Variants in NFATC1 observed in about 807,000 individuals in gnomAD.
NFATC1 encodes the protein nuclear factor of activated T cells 1.
NFATC1 carries 22 observed loss-of-function variants against 76.0 expected under a neutral mutation model. The ratio of observed to expected loss-of-function variants is 0.29; its 90% CI spans 0.21 to 0.41. NFATC1 has a LOEUF of 0.41. Ranked by LOEUF, NFATC1 falls within the 10% of genes least tolerant of loss-of-function variation. The probability of loss-of-function intolerance (pLI) is 1.00; values close to 1 mark genes in which losing one functional copy is unlikely to be tolerated. For missense variants in NFATC1, 1,357 were observed against 1,337.7 expected, an observed-to-expected ratio of 1.01 and a Z score of -0.23; for synonymous variants, 704 against 613.1, an observed-to-expected ratio of 1.15 and a Z score of -2.19.
intron 8 of NFATC1, among the ~76,000 whole-genome samples, chr18:79,484,994 C>G (rs1324048506): frequency 6.6e-6 from 1 of 152,248 alleles, no homozygotes; most frequent in Non-Finnish European, 1.5e-5. Flanking sequence ...GCTGCATGGA[C>G]TCACGGGCTC....
intron 2 of NFATC1, among the ~76,000 whole-genome samples, chr18:79,416,747 G>A (rs1600642434): frequency 6.6e-6 from 1 of 152,194 alleles, no homozygotes; most frequent in African/African-American, 2.4e-5. Flanking sequence ...GGGGAGGGAA[G>A]CCCCCCAACA....
intron 8 of NFATC1, among the ~76,000 whole-genome samples, chr18:79,481,344 C>A (rs1251526249): frequency 3.3e-5 from 5 of 152,230 alleles, no homozygotes; most frequent in Non-Finnish European, 5.9e-5. Flanking sequence ...GCGGTTAGAG[C>A]CCCACCCTCC....
intron 2 of NFATC1, among the ~76,000 whole-genome samples, chr18:79,423,109 C>T (rs141197595): frequency 1.4e-3 from 214 of 151,250 alleles, no homozygotes; most frequent in African/African-American, 5.1e-3. Flanking sequence ...GGTTGGGGCG[C>T]GTACAGAGGG....
chr18:79,522,508 T>TG (rs573336727), intron 9 of NFATC1, among the ~76,000 whole-genome samples: 5,270 of 73,314 alleles, frequency 0.072, 145 homozygotes, highest in Middle Eastern at 0.16. Context: ...GTGTTTTGTG[T>TG]GGGGGGGGTG....
At chr18:79,492,352 C>T (rs528440108) in intron 9 of NFATC1, among the ~76,000 whole-genome samples, 26 of 152,124 alleles carry the variant, frequency 1.7e-4, no homozygotes, top group Non-Finnish European at 3.7e-4. Flanking sequence ...CACCTGAGGT[C>T]AGGAGTTCAA....
chr18:79,486,220 T>G, intron 8 of NFATC1, 28 bp from the exon 9 acceptor site: 1 of 1,582,942 alleles, frequency 6.3e-7, no homozygotes, highest in Admixed American at 1.7e-5. Flanking sequence ...AACTTGTGTT[T>G]ATTTAATTTT....
chr18:79,477,076 T>C (rs1343923622), intron 8 of NFATC1, among the ~76,000 whole-genome samples: 2 of 152,154 alleles, frequency 1.3e-5, no homozygotes, highest in East Asian at 3.9e-4. Flanking sequence ...AAACTGATCT[T>C]GGCTCTGAAC....
At chr18:79,421,385 G>A (rs184636381) in intron 2 of NFATC1, 3 of 152,436 alleles carry the variant, frequency 2.0e-5, no homozygotes, top group East Asian at 3.9e-4. Flanking sequence ...TGTGTTTCCA[G>A]AGACCGGGCC....
intron 2 of NFATC1, chr18:79,421,526 G>T: frequency 6.6e-6 from 1 of 152,650 alleles, no homozygotes. Context: ...TGGAGAGCAG[G>T]GATCAGCCTC....
chr18:79,460,748 C>G (rs767831063), intron 6 of NFATC1, among the ~76,000 whole-genome samples: 1 of 152,178 alleles, frequency 6.6e-6, no homozygotes. Flanking sequence ...GACCCCAGCA[C>G]GAGCAGGCGT....
At chr18:79,526,035 G>C (rs2090752442) in intron 9 of NFATC1, among the ~76,000 whole-genome samples, 3 of 152,344 alleles carry the variant, frequency 2.0e-5, no homozygotes, top group Non-Finnish European at 2.9e-5. Context: ...CAGCAGCCTA[G>C]GGCATTTGGG....
chr18:79,406,721 C>T (rs1032625915), intron 1 of NFATC1, among the ~76,000 whole-genome samples: 9 of 152,324 alleles, frequency 5.9e-5, no homozygotes, highest in South Asian at 2.1e-4. Context: ...GGCACCTCAA[C>T]GGGAACCCCC....
At chr18:79,450,291 A>C (rs1021050997) in intron 4 of NFATC1, among the ~76,000 whole-genome samples, 1 of 152,178 alleles carries the variant, frequency 6.6e-6, no homozygotes, top group South Asian at 2.1e-4. Context: ...GTTTTGAATG[A>C]AATTGTTAAG....
chr18:79,407,225 C>G (rs1386033659), intron 1 of NFATC1, among the ~76,000 whole-genome samples: 2 of 152,168 alleles, frequency 1.3e-5, no homozygotes, highest in African/African-American at 4.8e-5. Flanking sequence ...CTGAAGCATC[C>G]AGTGAGCATG....
At chr18:79,458,846 C>T (rs954552622) in intron 6 of NFATC1, among the ~76,000 whole-genome samples, 1 of 152,266 alleles carries the variant, frequency 6.6e-6, no homozygotes. Flanking sequence ...AGGTTATTTC[C>T]ATCTTTCAGC....
chr18:79,463,028 G>A (rs1185459087), intron 7 of NFATC1, among the ~76,000 whole-genome samples: 2 of 152,238 alleles, frequency 1.3e-5, no homozygotes, highest in Non-Finnish European at 2.9e-5. Context: ...GTCCCAAGAG[G>A]TGGCTCTGTC....
chr18:79,402,699 T>C (rs760961098), intron 1 of NFATC1, among the ~76,000 whole-genome samples: 2 of 152,232 alleles, frequency 1.3e-5, no homozygotes, highest in Non-Finnish European at 2.9e-5. Context: ...GAAGGGTTCT[T>C]TATGTATCTC....
chr18:79,400,466 C>G, intron 1 of NFATC1: 3 of 1,487,390 alleles, frequency 2.0e-6, no homozygotes, highest in Non-Finnish European at 2.7e-6. Flanking sequence ...AGGGCGCCGC[C>G]GCGGCCGCCC....
At chr18:79,399,706 C>A (rs1429046508) in intron 1 of NFATC1, among the ~76,000 whole-genome samples, 2 of 151,766 alleles carry the variant, frequency 1.3e-5, no homozygotes, top group African/African-American at 4.8e-5. Flanking sequence ...GCGCGCAGGG[C>A]GGGTGTTTGG....
Sources: gnomAD v4.1 joint callset for allele counts (sites outside exome capture counted in the v4.1 genomes callset) on GRCh38, gnomAD v4.1.1 for gene constraint, MANE v1.5 for transcripts, NCBI Gene and HGNC (gene_info 2026-07-23, HGNC 2026-07-21) for gene names.